Variants in SCARB2 observed in about 807,000 individuals in gnomAD.
SCARB2 encodes scavenger receptor class B member 2, also known as lysosome membrane protein 2.
SCARB2 carries 29 observed loss-of-function variants against 58.6 expected under a neutral mutation model. The ratio of observed to expected loss-of-function variants is 0.49; its 90% confidence interval spans 0.37 to 0.67. The LOEUF is 0.67. Ranked by LOEUF, SCARB2 falls within the 30% of genes least tolerant of loss-of-function variation. The pLI, the probability that SCARB2 is intolerant of heterozygous loss-of-function variation, is 0.00. For missense variants in SCARB2, 488 were observed against 578.5 expected, an observed-to-expected ratio of 0.84 and a Z score of 1.60; for synonymous variants, 195 against 210.1, an observed-to-expected ratio of 0.93 and a Z score of 0.62.
At chr4:76,177,160 G>C (rs1409682686) in intron 4 of SCARB2, 1 of 151,966 alleles carries the variant, frequency 6.6e-6, no homozygotes, top group African/African-American at 2.4e-5. Flanking sequence ...TTATTTTATG[G>C]TTTTAAAAAG....
chr4:76,212,207 A>C (rs1436177190), intron 1 of SCARB2, among the ~76,000 whole-genome samples: 1 of 152,232 alleles, frequency 6.6e-6, no homozygotes, highest in Non-Finnish European at 1.5e-5. Flanking sequence ...ACAGGAGTGG[A>C]GAAAGGATTC....
chr4:76,216,323 A>C (rs554829095), upstream of SCARB2, among the ~76,000 whole-genome samples: 3 of 152,150 alleles, frequency 2.0e-5, no homozygotes, highest in Non-Finnish European at 4.4e-5. Context: ...CTAGAAAAAA[A>C]AATTTGGTAA....
intron 7 of SCARB2, among the ~76,000 whole-genome samples, chr4:76,170,437 G>A (rs61262669): frequency 0.23 from 35,111 of 152,106 alleles, 5,097 homozygotes; most frequent in African/African-American, 0.41. Flanking sequence ...AATGAAGGGT[G>A]TTGTACCTCA....
At chr4:76,232,902 C>CA (rs1243136495) in intron 1 of SCARB2, among the ~76,000 whole-genome samples, 2 of 152,066 alleles carry the variant, frequency 1.3e-5, no homozygotes, top group Non-Finnish European at 2.9e-5. Flanking sequence ...TTTAAAGCAG[C>CA]AAAAACCTTT....
At chr4:76,202,879 TA>T (rs1732858063) in intron 1 of SCARB2, among the ~76,000 whole-genome samples, 1 of 152,338 alleles carries the variant, frequency 6.6e-6, no homozygotes, top group East Asian at 1.9e-4. Context: ...TTAGTATATT[TA>T]AAAAAATATA....
In SCARB2 at chr4:76,213,524, T is replaced by G; in HGVS notation, c.20A>C (p.Tyr7Ser). 6.2e-7 allele frequency: 1 copy of G among 1,610,550 alleles called. No individual in the cohort carries two copies. The highest frequency in any genetic ancestry group is 8.5e-7 in the Non-Finnish European group (1 of 1,178,638). Residue 7 changes from tyrosine (Y) to serine (S), a missense_variant, in exon 1 of 12, where the codon TAC becomes TCC. Coordinates refer to ENST00000264896, the MANE Select transcript of SCARB2 (RefSeq NM_005506.4). ...GAGCAGGGACAACGTCCCCGCCGTG[T>G]AGAAGCAGCATCGGCCCATTCTGTG... Reference protein sequence around the residue: MGRCCFYTAGTLSLLLL... With the variant: MGRCCFSTAGTLSLLLL...
upstream of SCARB2, among the ~76,000 whole-genome samples, chr4:76,215,569 G>A (rs1733191048): frequency 6.6e-6 from 1 of 152,140 alleles, no homozygotes; most frequent in Non-Finnish European, 1.5e-5. Context: ...AATTTGGGCA[G>A]GTTTTAGCAA....
chr4:76,199,392 C>T (rs115922145), intron 1 of SCARB2, among the ~76,000 whole-genome samples: 3,503 of 152,280 alleles, frequency 0.023, 120 homozygotes, highest in African/African-American at 0.08. Context: ...GCATGGGCTA[C>T]ATCAAAAATG....
At chr4:76,194,467 G>A (rs1200645353) in intron 2 of SCARB2, 6 of 151,654 alleles carry the variant, frequency 4.0e-5, no homozygotes, top group Non-Finnish European at 1.5e-5. Context: ...GAACTAGTAA[G>A]TTGCAGAGGC....
intron 2 of SCARB2, among the ~76,000 whole-genome samples, chr4:76,185,380 AT>A (rs1732464926): frequency 6.6e-6 from 1 of 152,194 alleles, no homozygotes; most frequent in Non-Finnish European, 1.5e-5. Flanking sequence ...AACAAATCAA[AT>A]TTTCAGCCTA....
intron 7 of SCARB2, among the ~76,000 whole-genome samples, chr4:76,172,380 T>C (rs976742214): frequency 2.0e-5 from 3 of 152,044 alleles, no homozygotes. Context: ...CTCAGCCTCC[T>C]GGGTATCTGG....
intron 2 of SCARB2, 38 bp downstream of exon 2, chr4:76,195,669 C>G: frequency 1.3e-6 from 2 of 1,597,062 alleles, no homozygotes; most frequent in South Asian, 1.1e-5. Context: ...TGGGGTCACT[C>G]TGTATTTCTT....
intron 11 of SCARB2, 68 bp from the exon 12 acceptor site, chr4:76,161,819 T>C (rs749146919): frequency 5.8e-6 from 9 of 1,540,598 alleles, no homozygotes; most frequent in Admixed American, 1.7e-5. Context: ...TGTGAAAAGT[T>C]TGGGTGGGGA....
rs913089100 is a variant in SCARB2 at position 76,213,624 on chromosome 4, G to A, written c.-81C>T. 3.4e-6 allele frequency: 4 copies of A among 1,163,182 alleles called. No individual in the cohort carries two copies. The highest frequency in any genetic ancestry group is 5.1e-6 in the Non-Finnish European group (4 of 787,550). The allele number at this position is 1,163,182 out of a possible 1,614,324, so 72.1% of individuals were successfully genotyped here. On this transcript the variant is annotated 5_prime_UTR_variant, in exon 1 of 12. The change creates a new upstream start codon in the 5' untranslated region. Coordinates refer to ENST00000264896, the MANE Select transcript of SCARB2 (RefSeq NM_005506.4). The stretch of plus-strand genomic sequence containing the variant: ...AGGAGGGAGGAGCCGCCGCAGAGGC[G>A]TCGAAGACCCGGGACCCTTCGGCGC...
At chr4:76,167,592 A>G (rs1425293651) in intron 9 of SCARB2, among the ~76,000 whole-genome samples, 2 of 151,802 alleles carry the variant, frequency 1.3e-5, no homozygotes, top group Non-Finnish European at 2.9e-5. Flanking sequence ...CTTCCTGTAC[A>G]GCCTACAGAA....
chr4:76,215,082 A>T (rs1425588034), upstream of SCARB2, among the ~76,000 whole-genome samples: 1 of 152,260 alleles, frequency 6.6e-6, no homozygotes, highest in Non-Finnish European at 1.5e-5. Flanking sequence ...TGCTGTGCTC[A>T]GTCATGAGCT....
upstream of SCARB2, among the ~76,000 whole-genome samples, chr4:76,216,667 C>T (rs114018277): frequency 0.017 from 2,523 of 152,266 alleles, 69 homozygotes; most frequent in African/African-American, 0.058. Context: ...CTCAGTTTAC[C>T]TGCTCTCTGA....
intron 2 of SCARB2, among the ~76,000 whole-genome samples, chr4:76,186,525 A>T (rs930989127): frequency 4.6e-5 from 7 of 152,160 alleles, no homozygotes; most frequent in Admixed American, 1.3e-4. Context: ...CTGCCCGCTC[A>T]GGTAACTGAA....
intron 1 of SCARB2, among the ~76,000 whole-genome samples, chr4:76,207,167 T>A (rs938425815): frequency 5.9e-5 from 9 of 152,228 alleles, no homozygotes; most frequent in Admixed American, 3.9e-4. Flanking sequence ...TTTGCGTTTT[T>A]AATTCTATTA....
Sources: gnomAD v4.1 joint callset for allele counts (sites outside exome capture counted in the v4.1 genomes callset) on GRCh38, gnomAD v4.1.1 for gene constraint, MANE v1.5 for transcripts, NCBI Gene and HGNC (gene_info 2026-07-23, HGNC 2026-07-21) for gene names.